Variants in DIS3L2 observed in about 807,000 individuals in gnomAD.
DIS3L2 encodes the protein DIS3 like 3'-5' exoribonuclease 2, also known as DIS3-like exonuclease 2.
Under a neutral mutation model 97.5 loss-of-function variants are expected in DIS3L2, and 34 were observed. The observed-to-expected ratio is 0.35, with a 90% confidence interval of 0.27 to 0.46. DIS3L2 has a LOEUF of 0.46. DIS3L2 is among the 20% of genes least tolerant of loss of function. The pLI, the probability that DIS3L2 is intolerant of heterozygous loss-of-function variation, is 1.00. For synonymous variants in DIS3L2, 435 were observed against 445.2 expected (o/e 0.98, Z 0.29); for missense variants, 1,038 against 1,146.0 (o/e 0.91, Z 1.36).
chr2:232,100,829 G>GTGTATA (rs149798372), intron 6 of DIS3L2, among the ~76,000 whole-genome samples: 5 of 148,054 alleles, frequency 3.4e-5, no homozygotes, highest in African/African-American at 1.2e-4. Context: ...GTGTGTGTGT[G>GTGTATA]TATATATATC....
At chr2:232,103,215 C>T (rs968158944) in intron 6 of DIS3L2, among the ~76,000 whole-genome samples, 7 of 152,112 alleles carry the variant, frequency 4.6e-5, no homozygotes, top group Admixed American at 3.3e-4. Flanking sequence ...TTTGTCTTTT[C>T]CTTTCTAATT....
intron 5 of DIS3L2, among the ~76,000 whole-genome samples, chr2:232,046,841 TG>T (rs35592783): frequency 0.15 from 22,467 of 152,160 alleles, 2,585 homozygotes; most frequent in African/African-American, 0.32. Context: ...ATTTTTAAGA[TG>T]GGGTCTTGCT....
intron 5 of DIS3L2, among the ~76,000 whole-genome samples, chr2:232,086,613 G>GTA (rs1159140399): frequency 0.029 from 2,993 of 103,732 alleles, 132 homozygotes; most frequent in Middle Eastern, 0.064. Context: ...GTGTGTGTGT[G>GTA]TATATATATA....
rs953906518 is a variant in DIS3L2, at chr2:232,159,305, A to G, written c.951-4154A>G. Among the ~76,000 whole-genome samples, 23 of 152,220 alleles carry G rather than the reference A, an allele frequency of 1.5e-4. 1 individual carries two copies. Among genetic ancestry groups the G allele is most frequent in the Admixed American group, 1.5e-3 (23 of 15,278 alleles). On this transcript the variant is annotated intron_variant, in intron 8 of 20. Coordinates refer to ENST00000325385, the MANE Select transcript of DIS3L2 (RefSeq NM_152383.5). ...ATTCTCTTACCACCACTCTTGCAGG[A>G]CACCATTTTCACTGGATGCTGCTGC... is the stretch of plus-strand genomic sequence containing the variant.
At chr2:231,970,227 T>C (rs1692858824) in intron 1 of DIS3L2, among the ~76,000 whole-genome samples, 1 of 152,176 alleles carries the variant, frequency 6.6e-6, no homozygotes, top group South Asian at 2.1e-4. Flanking sequence ...GGATTACAGG[T>C]GTGAGCCACT....
intron 1 of DIS3L2, among the ~76,000 whole-genome samples, chr2:231,995,099 A>G (rs920927720): frequency 3.3e-5 from 5 of 152,012 alleles, no homozygotes; most frequent in Admixed American, 6.5e-5. Context: ...ATTACTTTAT[A>G]TACATTGTTT....
At position 232,335,765 on chromosome 2, in the gene DIS3L2, C is replaced by T. The variant is rs1412994947; in HGVS notation, c.2395-8C>T. 6.5e-7 allele frequency: 1 copy of T among 1,549,960 alleles called. No individual in the cohort carries two copies. The highest frequency in any genetic ancestry group is 1.4e-5 in the African/African-American group (1 of 73,162). On this transcript the variant is annotated splice_polypyrimidine_tract_variant and splice_region_variant and intron_variant, in intron 19 of 20. Transcript: ENST00000325385. Reference sequence around the variant, plus strand: ...GCTGAGGCCTGAGGCTTGGTGTTTGCACTCCAGGCACTGGCCCTGCGGTCC... The same window carrying T: ...GCTGAGGCCTGAGGCTTGGTGTTTGTACTCCAGGCACTGGCCCTGCGGTCC...
intron 11 of DIS3L2, among the ~76,000 whole-genome samples, chr2:232,242,399 G>A (rs1049781009): frequency 6.6e-6 from 1 of 152,328 alleles, no homozygotes; most frequent in Non-Finnish European, 1.5e-5. Context: ...GCTGAAAGGG[G>A]CAGAAGAGGC....
At chr2:232,317,625 T>C (rs1695311554) in intron 14 of DIS3L2, among the ~76,000 whole-genome samples, 1 of 151,922 alleles carries the variant, frequency 6.6e-6, no homozygotes, top group Non-Finnish European at 1.5e-5. Flanking sequence ...TTAGTAGAGA[T>C]GGGGTTTCAC....
rs1269794781 is a variant in DIS3L2, at chr2:232,337,060, C to A, written c.*430C>A. 1 of 1,045,650 alleles carries A rather than the reference C, an allele frequency of 9.6e-7. No homozygotes were observed. Among genetic ancestry groups the A allele is most frequent in the African/African-American group, 1.8e-5 (1 of 56,736 alleles). The allele number at this position is 1,045,650 out of a possible 1,614,324, so 64.8% of individuals were successfully genotyped here. A position where few individuals can be genotyped will look rare whatever the true frequency, so the allele number is the denominator to read the frequency against. On this transcript the variant is annotated 3_prime_UTR_variant, in exon 21 of 21. Transcript: ENST00000325385. Reference sequence around the variant, plus strand: ...GGCAAGGGACCCAGTTCAGGCTTCACCCCTCGCTGCTGAGCCGATGTCAAC... The same window carrying A: ...GGCAAGGGACCCAGTTCAGGCTTCAACCCTCGCTGCTGAGCCGATGTCAAC...
At chr2:232,033,727 A>C (rs1311394685) in intron 5 of DIS3L2, among the ~76,000 whole-genome samples, 1 of 152,170 alleles carries the variant, frequency 6.6e-6, no homozygotes, top group Non-Finnish European at 1.5e-5. Context: ...TGAGATAATC[A>C]TGTGGTTTTT....
intron 1 of DIS3L2, among the ~76,000 whole-genome samples, chr2:232,001,012 A>G (rs1449610869): frequency 2.6e-5 from 4 of 151,952 alleles, no homozygotes; most frequent in Non-Finnish European, 4.4e-5. Flanking sequence ...ACTGTAATGA[A>G]CGTGGGAGTG....
chr2:232,015,743 G>C (rs1366680549), intron 3 of DIS3L2, 72 bp downstream of exon 3: 2 of 1,553,384 alleles, frequency 1.3e-6, no homozygotes, highest in African/African-American at 1.4e-5. Flanking sequence ...ACTGTTTCCT[G>C]TTCTGTGCTA....
intron 10 of DIS3L2, among the ~76,000 whole-genome samples, chr2:232,217,133 G>A (rs867118800): frequency 7.9e-5 from 12 of 152,168 alleles, no homozygotes; most frequent in South Asian, 2.1e-4. Flanking sequence ...GAGCCACCGC[G>A]CCTGGCCACA....
intron 8 of DIS3L2, among the ~76,000 whole-genome samples, chr2:232,155,858 C>T (rs1301493952): frequency 1.3e-5 from 2 of 151,826 alleles, no homozygotes; most frequent in Non-Finnish European, 2.9e-5. Flanking sequence ...GGTGTTGTGG[C>T]GGGTGCCTGT....
At chr2:231,965,462 T>C (rs1292057298) in intron 1 of DIS3L2, among the ~76,000 whole-genome samples, 1 of 151,884 alleles carries the variant, frequency 6.6e-6, no homozygotes. Context: ...TTTTTTTTTT[T>C]GAGTTTAATG....
chr2:232,106,467 A>G (rs1189582983), intron 6 of DIS3L2, among the ~76,000 whole-genome samples: 1 of 152,254 alleles, frequency 6.6e-6, no homozygotes, highest in Non-Finnish European at 1.5e-5. Flanking sequence ...AAGACAAAGA[A>G]GGGCATTACA....
rs538648974 is a variant in DIS3L2 at position 232,258,367 on chromosome 2, G to A, written c.1426-4840G>A. 6.3e-4 allele frequency among the ~76,000 whole-genome samples: 96 copies of A among 152,162 alleles called. 2 individuals are homozygous for A. Among genetic ancestry groups the A allele is most frequent in the African/African-American group, 2.1e-3 (87 of 41,526 alleles). ...TGGGAGGCCAAAGCGGGCGGATCAC[G>A]AGGTCTGGAGTTAGAGACCATCCTG... On this transcript the variant is annotated intron_variant, in intron 12 of 20. Transcript: ENST00000325385.
At chr2:232,252,137 G>A (rs1053198912) in intron 12 of DIS3L2, among the ~76,000 whole-genome samples, 5 of 152,212 alleles carry the variant, frequency 3.3e-5, no homozygotes, top group South Asian at 2.1e-4. Context: ...GCCAGGTGTG[G>A]TGGCTCATGC....
Sources: allele counts gnomAD v4.1 joint callset (sites outside exome capture counted in the v4.1 genomes callset), GRCh38; gene constraint gnomAD v4.1.1; transcripts MANE v1.5; gene names NCBI Gene and HGNC (gene_info 2026-07-23, HGNC 2026-07-21).